The following PAX5 variants were observed in gnomAD, a reference collection of about 807,000 sequenced individuals.
The protein encoded by PAX5 is paired box 5, also known as paired box protein Pax-5.
PAX5 carries 9 observed loss-of-function variants against 43.7 expected under a neutral mutation model. That is an observed-to-expected ratio of 0.21 (90% CI 0.12 to 0.36). PAX5 has a LOEUF of 0.36. Among genes scored for constraint, PAX5 ranks in the 10% least tolerant of loss-of-function variants. PAX5 has a pLI of 1.00. For missense variants in PAX5, 383 were observed against 532.7 expected (o/e 0.72, Z 2.77); for synonymous variants, 228 against 214.3 (o/e 1.06, Z -0.56).
At chr9:36,868,205 T>C (rs1825088242) in intron 8 of PAX5, among the ~76,000 whole-genome samples, 2 of 152,260 alleles carry the variant, frequency 1.3e-5, no homozygotes. Flanking sequence ...ACTCAAGCCC[T>C]GTTTAATTAC....
rs538359649 is a variant in PAX5, at chr9:37,018,170, G to T, written c.212+2466C>A. ...TGTTTTGAAGACAGAAATACAGACG[G>T]TTGAGAATAAGCTTTGCAAAACATA... On this transcript the variant is annotated intron_variant, in intron 2 of 9. Coordinates refer to ENST00000358127, the MANE Select transcript of PAX5 (RefSeq NM_016734.3). Among the ~76,000 whole-genome samples, 3 of 152,274 alleles carry T rather than the reference G, an allele frequency of 2.0e-5. No homozygotes were observed. In the East Asian group the frequency reaches 5.8e-4, roughly 29 times the overall value.
intron 7 of PAX5, among the ~76,000 whole-genome samples, chr9:36,903,391 A>G (rs1230655699): frequency 6.6e-6 from 1 of 152,242 alleles, no homozygotes; most frequent in Non-Finnish European, 1.5e-5. Flanking sequence ...AGTAATGACA[A>G]TTATCTTTCT....
chr9:36,951,248 A>G (rs1321123743), intron 6 of PAX5, among the ~76,000 whole-genome samples: 2 of 152,204 alleles, frequency 1.3e-5, no homozygotes, highest in Non-Finnish European at 2.9e-5. Context: ...CTTGTTAATT[A>G]TGTTGTGCAA....
At chr9:36,977,013 G>C (rs556427019) in intron 5 of PAX5, among the ~76,000 whole-genome samples, 3 of 152,292 alleles carry the variant, frequency 2.0e-5, no homozygotes, top group African/African-American at 7.2e-5. Context: ...GAGCTAGAGA[G>C]AGCTTCAAGT....
In PAX5 at chr9:36,924,839, A is replaced by G. The variant is rs55886730; in HGVS notation, c.781-1355T>C. On this transcript the variant is annotated intron_variant, in intron 6 of 9. Coordinates refer to ENST00000358127, the MANE Select transcript of PAX5 (RefSeq NM_016734.3). ...AGGAAAGAAAGAAGGAAGGGAGAGA[A>G]AGGGAGGGAGGGAGGAGGGAATTTG... Among the ~76,000 whole-genome samples, 7 of 3,804 alleles carry G rather than the reference A, an allele frequency of 1.8e-3. 3 individuals carry two copies. Among genetic ancestry groups the G allele is most frequent in the South Asian group, 0.067 (2 of 30 alleles). The allele number at this position is 3,804 out of a possible 152,430, so 2.5% of individuals were successfully genotyped here. A position where few individuals can be genotyped will look rare whatever the true frequency, so the allele number is the denominator to read the frequency against.
At chr9:36,912,447 A>G (rs1281524074) in intron 7 of PAX5, among the ~76,000 whole-genome samples, 2 of 152,222 alleles carry the variant, frequency 1.3e-5, no homozygotes, top group Non-Finnish European at 2.9e-5. Context: ...AGCTCTGGTA[A>G]TCTGGCTTCC....
At chr9:36,996,425 G>A (rs1564056909) in intron 5 of PAX5, among the ~76,000 whole-genome samples, 1 of 152,246 alleles carries the variant, frequency 6.6e-6, no homozygotes, top group African/African-American at 2.4e-5. Context: ...CCATGAGCCT[G>A]TGCCTTTGAC....
chr9:36,858,886 GCTGA>G (rs1563899418), intron 8 of PAX5, among the ~76,000 whole-genome samples: 1 of 152,146 alleles, frequency 6.6e-6, no homozygotes, highest in East Asian at 1.9e-4. Flanking sequence ...ATGTCCCGCC[GCTGA>G]CTAATGAGAC....
chr9:37,004,013 A>G (rs1461735290), intron 4 of PAX5, among the ~76,000 whole-genome samples: 1 of 152,266 alleles, frequency 6.6e-6, no homozygotes, highest in Non-Finnish European at 1.5e-5. Flanking sequence ...GCTATTATTT[A>G]TCCCCATTTA....
At chr9:36,932,852 C>T (rs977153686) in intron 6 of PAX5, among the ~76,000 whole-genome samples, 2 of 152,058 alleles carry the variant, frequency 1.3e-5, no homozygotes, top group African/African-American at 4.8e-5. Context: ...TCCAAGTCTA[C>T]TTTGAAAGTC....
intron 8 of PAX5, among the ~76,000 whole-genome samples, chr9:36,860,446 T>C (rs1210352726): frequency 3.3e-5 from 5 of 152,010 alleles, no homozygotes. Flanking sequence ...GATGGTAATA[T>C]TTGTCGAAAC....
At chr9:36,998,022 C>T (rs139881648) in intron 5 of PAX5, among the ~76,000 whole-genome samples, 31 of 152,348 alleles carry the variant, frequency 2.0e-4, no homozygotes, top group African/African-American at 2.9e-4. Flanking sequence ...ATTTGTCCAG[C>T]GCCTGCTCAC....
At chr9:36,928,523 A>C (rs1311075454) in intron 6 of PAX5, among the ~76,000 whole-genome samples, 1 of 152,224 alleles carries the variant, frequency 6.6e-6, no homozygotes, top group African/African-American at 2.4e-5. Context: ...AGTGTGGAAC[A>C]TGGAACATCC....
intron 7 of PAX5, among the ~76,000 whole-genome samples, chr9:36,896,910 G>A (rs1295353336): frequency 1.3e-5 from 2 of 152,220 alleles, no homozygotes; most frequent in African/African-American, 4.8e-5. Flanking sequence ...GGGAAATTGA[G>A]GCTCCAAGAG....
rs1367320259 is a variant in PAX5, at chr9:36,981,445, AAAC to A, written c.605-14724_605-14722del. Among the ~76,000 whole-genome samples the A allele has an allele frequency of 8.8e-4, 131 of 149,310 alleles. 2 individuals carry two copies. The Middle Eastern group carries it at 0.025, about 28-fold the overall frequency. ...TTCACTGAAACTGGCAAAAAAAAAA[AAAC>A]AAAAAACAGGTACAAAGGAGAAGGG... On this transcript the variant is annotated intron_variant, in intron 5 of 9. Coordinates refer to ENST00000358127, the MANE Select transcript of PAX5 (RefSeq NM_016734.3).
At chr9:36,975,586 C>T (rs987278720) in intron 5 of PAX5, among the ~76,000 whole-genome samples, 3 of 152,090 alleles carry the variant, frequency 2.0e-5, no homozygotes, top group Admixed American at 6.6e-5. Context: ...GGGGTTCCAC[C>T]GTGTTAGCCA....
chr9:36,882,200 T>C lies in PAX5; in HGVS notation c.911-95A>G. On this transcript the variant is annotated intron_variant, in intron 7 of 9. Coordinates refer to ENST00000358127, the MANE Select transcript of PAX5 (RefSeq NM_016734.3). The surrounding 1 kb of genome is among the most constrained non-coding windows in gnomAD (Gnocchi z 4.4). ...TGGACGCTTCTGCACATTTGTCACG[T>C]TTGGACGCTGAACGGCAATGTGCCC... The C allele has an allele frequency of 9.7e-7, 1 of 1,028,824 alleles. No individual in the cohort carries two copies. Among genetic ancestry groups the C allele is most frequent in the Non-Finnish European group, 1.4e-6 (1 of 713,512 alleles). The allele number at this position is 1,028,824 out of a possible 1,614,324, so 63.7% of individuals were successfully genotyped here. A position where few individuals can be genotyped will look rare whatever the true frequency, so the allele number is the denominator to read the frequency against.
chr9:36,880,865 A>C (rs1826351716), intron 8 of PAX5, among the ~76,000 whole-genome samples: 1 of 152,220 alleles, frequency 6.6e-6, no homozygotes, highest in African/African-American at 2.4e-5. Context: ...GGCATGAGCC[A>C]CTGTGCCCGG....
intron 5 of PAX5, among the ~76,000 whole-genome samples, chr9:36,998,419 C>G (rs7026505): frequency 0.24 from 36,045 of 152,168 alleles, 4,526 homozygotes; most frequent in Admixed American, 0.33. Flanking sequence ...CAAAAGCACC[C>G]TTGACTGAGG....
Sources: gnomAD v4.1 joint callset for allele counts (sites outside exome capture counted in the v4.1 genomes callset) on GRCh38, gnomAD v4.1.1 for gene constraint, Gnocchi (gnomAD v3.1) non-coding constraint, MANE v1.5 for transcripts, NCBI Gene and HGNC (gene_info 2026-07-23, HGNC 2026-07-21) for gene names.